Variants in CAMK2B observed in about 807,000 individuals in gnomAD.
The protein encoded by CAMK2B is calcium/calmodulin-dependent protein kinase type II subunit beta.
In CAMK2B, 27 loss-of-function variants were observed where a neutral mutation model predicts 93.7. The observed-to-expected ratio is 0.29, with a 90% CI of 0.21 to 0.40. The LOEUF (loss-of-function observed/expected upper bound fraction) is 0.40. CAMK2B is among the 10% of genes least tolerant of loss of function. The probability of loss-of-function intolerance (pLI) is 1.00; values close to 1 mark genes in which losing one functional copy is unlikely to be tolerated. For missense variants in CAMK2B, 568 were observed against 895.8 expected (o/e 0.63, Z 4.67); for synonymous variants, 374 against 358.8 (o/e 1.04, Z -0.48).
chr7:44,313,362 G>A (rs374679123), intron 1 of CAMK2B, among the ~76,000 whole-genome samples: 37 of 152,224 alleles, frequency 2.4e-4, no homozygotes, highest in African/African-American at 8.4e-4. Context: ...AAAGGGCACA[G>A]GCGGAGGGCA....
chr7:44,240,581 G>C, intron 12 of CAMK2B, 126 bp downstream of exon 12: 1 of 1,072,976 alleles, frequency 9.3e-7, no homozygotes, highest in Non-Finnish European at 1.4e-6. Flanking sequence ...TCAGAGCTGA[G>C]GGCAGACGCC....
rs538193697 is a variant in CAMK2B at position 44,218,134 on chromosome 7, C to G, written c.*1391G>C. The G allele has an allele frequency of 6.5e-6, 1 of 152,788 alleles. No individual in the cohort carries two copies. Among genetic ancestry groups the G allele is most frequent in the South Asian group, 2.1e-4 (1 of 4,872 alleles). The allele number at this position is 152,788 out of a possible 1,614,324, so 9.5% of individuals were successfully genotyped here. A position where few individuals can be genotyped will look rare whatever the true frequency, so the allele number is the denominator to read the frequency against. Reference sequence around the variant, plus strand: ...ACACGCACTGCAGCCCGCCAAGGCACTGGCACACCTGACACTGCACGGGCA... The same window carrying G: ...ACACGCACTGCAGCCCGCCAAGGCAGTGGCACACCTGACACTGCACGGGCA... On this transcript the variant is annotated 3_prime_UTR_variant, in exon 24 of 24. Coordinates refer to ENST00000395749, the MANE Select transcript of CAMK2B (RefSeq NM_001220.5).
intron 1 of CAMK2B, among the ~76,000 whole-genome samples, chr7:44,284,459 AGAG>A (rs1162298803): frequency 2.0e-5 from 3 of 152,262 alleles, no homozygotes; most frequent in Non-Finnish European, 2.9e-5. Context: ...GACGGCTGGC[AGAG>A]CCCTGGCAGA....
chr7:44,220,063 C>T lies in CAMK2B; in HGVS notation c.2000G>A (p.Ter667=). Residue 667 remains the stop codon, a stop_retained_variant, in exon 23 of 24, where the codon TGA becomes TAA. Transcript: ENST00000395749. ...TCACTTAGCACAGAACACTCACCTT[C>T]ACTGCAGCGGGGCCACAGGCGCGCC... ...CSGAPVAPLQ[*] The T allele has an allele frequency of 6.3e-7, 1 of 1,579,100 alleles. No individual in the cohort carries two copies. The highest frequency in any genetic ancestry group is 1.1e-5 in the South Asian group (1 of 87,794).
intron 1 of CAMK2B, among the ~76,000 whole-genome samples, chr7:44,300,193 G>A (rs1789563572): frequency 6.6e-6 from 1 of 151,980 alleles, no homozygotes; most frequent in Non-Finnish European, 1.5e-5. Context: ...TGCCACCATG[G>A]CTGGCTAATT....
At chr7:44,295,532 A>G (rs992091160) in intron 1 of CAMK2B, among the ~76,000 whole-genome samples, 2 of 152,198 alleles carry the variant, frequency 1.3e-5, no homozygotes, top group Admixed American at 6.5e-5. Context: ...GAATTGCCAG[A>G]TGCTCAGTGT....
At chr7:44,276,949 T>C (rs1191181333) in intron 2 of CAMK2B, among the ~76,000 whole-genome samples, 1 of 152,134 alleles carries the variant, frequency 6.6e-6, no homozygotes, top group Non-Finnish European at 1.5e-5. Flanking sequence ...TGAGACAGCG[T>C]CGATGATGCC....
intron 2 of CAMK2B, among the ~76,000 whole-genome samples, chr7:44,276,711 GC>G (rs1486299653): frequency 6.6e-6 from 1 of 152,218 alleles, no homozygotes; most frequent in Non-Finnish European, 1.5e-5. Flanking sequence ...TGTGGGGTGA[GC>G]CTCGGGCCTG....
At chr7:44,269,406 C>T (rs899326424) in intron 2 of CAMK2B, among the ~76,000 whole-genome samples, 2 of 152,200 alleles carry the variant, frequency 1.3e-5, no homozygotes, top group African/African-American at 4.8e-5. Context: ...GATGTTCGCT[C>T]CCATAATTTC....
chr7:44,295,474 C>A (rs1047947106), intron 1 of CAMK2B, among the ~76,000 whole-genome samples: 1 of 152,224 alleles, frequency 6.6e-6, no homozygotes, highest in Non-Finnish European at 1.5e-5. Flanking sequence ...AGAGCAGAAA[C>A]CTCCATGGAA....
intron 2 of CAMK2B, among the ~76,000 whole-genome samples, chr7:44,273,028 T>C (rs1018752768): frequency 2.6e-5 from 4 of 152,208 alleles, no homozygotes; most frequent in African/African-American, 9.7e-5. Flanking sequence ...AGGAAGGCCC[T>C]GAACAGCCTA....
At chr7:44,283,993 G>C in intron 2 of CAMK2B, 138 bp downstream of exon 2, 2 of 641,080 alleles carry the variant, frequency 3.1e-6, no homozygotes, top group Admixed American at 5.4e-5. Flanking sequence ...CACTGCATCT[G>C]TGCATGGAGC....
At chr7:44,260,820 A>C (rs1033960728) in intron 3 of CAMK2B, among the ~76,000 whole-genome samples, 3 of 152,170 alleles carry the variant, frequency 2.0e-5, no homozygotes, top group Non-Finnish European at 4.4e-5. Context: ...CAGGCCCAGC[A>C]GCCCAGCCTT....
intron 13 of CAMK2B, among the ~76,000 whole-genome samples, chr7:44,235,176 G>A (rs900496471): frequency 1.7e-4 from 26 of 152,340 alleles, no homozygotes; most frequent in African/African-American, 6.0e-4. Context: ...CAGCCCAGGC[G>A]CTCACCCTGC....
chr7:44,304,489 T>TA (rs981576823), intron 1 of CAMK2B, among the ~76,000 whole-genome samples: 1 of 152,120 alleles, frequency 6.6e-6, no homozygotes, highest in African/African-American at 2.4e-5. Flanking sequence ...CACTGCTGAA[T>TA]AAAAGAAGCC....
intron 5 of CAMK2B, among the ~76,000 whole-genome samples, chr7:44,252,401 G>C (rs1000386552): frequency 3.8e-4 from 57 of 151,952 alleles, no homozygotes; most frequent in Non-Finnish European, 5.9e-4. Context: ...GGGGGCTCTG[G>C]GGGGCTGCAG....
chr7:44,324,222 A>C (rs1229850351), intron 1 of CAMK2B, among the ~76,000 whole-genome samples: 1 of 152,244 alleles, frequency 6.6e-6, no homozygotes, highest in Non-Finnish European at 1.5e-5. Context: ...TAAAGGAAAA[A>C]AAGGATCTGT....
intron 4 of CAMK2B, among the ~76,000 whole-genome samples, chr7:44,257,029 G>A (rs1043605205): frequency 1.3e-5 from 2 of 152,212 alleles, no homozygotes; most frequent in Non-Finnish European, 2.9e-5. Context: ...CTTCAGCCAT[G>A]GCGCCTATGG....
chr7:44,300,493 A>G (rs1789691917), intron 1 of CAMK2B, among the ~76,000 whole-genome samples: 2 of 152,170 alleles, frequency 1.3e-5, no homozygotes, highest in African/African-American at 4.8e-5. Context: ...AGAAAAAAAA[A>G]AACAAAACAG....
Sources: allele counts gnomAD v4.1 joint callset (sites outside exome capture counted in the v4.1 genomes callset), GRCh38; gene constraint gnomAD v4.1.1; transcripts MANE v1.5; gene names NCBI Gene and HGNC (gene_info 2026-07-23, HGNC 2026-07-21).